Variants in ZMIZ1 observed in about 807,000 individuals in gnomAD.
ZMIZ1 encodes zinc finger MIZ-type containing 1.
In ZMIZ1, 17 loss-of-function variants were observed where a neutral mutation model predicts 113.9. The observed-to-expected ratio is 0.15, with a 90% CI of 0.10 to 0.22. The LOEUF (loss-of-function observed/expected upper bound fraction) is 0.22. Among genes scored for constraint, ZMIZ1 ranks in the 10% least tolerant of loss-of-function variants. ZMIZ1 has a pLI of 1.00. For missense variants in ZMIZ1, 1,059 were observed against 1,477.8 expected (o/e 0.72, Z 4.65); for synonymous variants, 607 against 603.1 (o/e 1.01, Z -0.09).
intron 7 of ZMIZ1, among the ~76,000 whole-genome samples, chr10:79,245,288 C>T (rs149507602): frequency 4.1e-4 from 62 of 152,302 alleles, no homozygotes; most frequent in Middle Eastern, 3.4e-3. Context: ...GATGGGAAAA[C>T]TGATGTGCCC....
intron 7 of ZMIZ1, among the ~76,000 whole-genome samples, chr10:79,264,882 G>C (rs1411646736): frequency 1.3e-5 from 2 of 152,214 alleles, no homozygotes; most frequent in Non-Finnish European, 2.9e-5. Flanking sequence ...ACACCCTCTT[G>C]AGCTTGTTTT....
chr10:79,217,280 C>T (rs978252416), intron 7 of ZMIZ1, among the ~76,000 whole-genome samples: 1 of 152,120 alleles, frequency 6.6e-6, no homozygotes, highest in African/African-American at 2.4e-5. Flanking sequence ...AAAAAATTAG[C>T]CGGGTGTGGT....
intron 4 of ZMIZ1, among the ~76,000 whole-genome samples, chr10:79,166,090 C>A (rs1222759190): frequency 2.2e-4 from 33 of 151,946 alleles, no homozygotes; most frequent in Admixed American, 2.2e-3. Flanking sequence ...TCTCTCCCTG[C>A]AGCTCTCTCC....
At chr10:79,179,165 G>T (rs1847002414) in intron 4 of ZMIZ1, among the ~76,000 whole-genome samples, 1 of 152,238 alleles carries the variant, frequency 6.6e-6, no homozygotes, top group Admixed American at 6.5e-5. Context: ...GCCCTCCAAG[G>T]GTAACTCCAA....
intron 1 of ZMIZ1, among the ~76,000 whole-genome samples, chr10:79,074,243 T>TGC (rs1401247498): frequency 1.3e-5 from 2 of 152,208 alleles, no homozygotes; most frequent in East Asian, 3.9e-4. Context: ...TACCAACCCC[T>TGC]GCGCTGCCTC....
At chr10:79,214,943 C>T (rs1848659323) in intron 6 of ZMIZ1, among the ~76,000 whole-genome samples, 1 of 152,190 alleles carries the variant, frequency 6.6e-6, no homozygotes, top group South Asian at 2.1e-4. Context: ...TGCAAAGCCA[C>T]CCAAGGGTCC....
At position 79,175,620 on chromosome 10, in the gene ZMIZ1, GTGTGTGTGTGGAGGTTTT is replaced by G. The variant is rs1239615825; in HGVS notation, c.-50+13489_-50+13506del. On this transcript the variant is annotated intron_variant, in intron 4 of 24. Transcript: ENST00000334512. Reference sequence around the variant, plus strand: ...TGTGTGTGTGTGTGTGTGTGTGTGTGTGTGTGTGTGGAGGTTTTTACAGACCCGCATGTATGTGTCCCT... The same window carrying G: ...TGTGTGTGTGTGTGTGTGTGTGTGTGTACAGACCCGCATGTATGTGTCCCT... 6.8e-3 allele frequency among the ~76,000 whole-genome samples: 754 copies of G among 111,200 alleles called. 14 individuals carry two copies. Among genetic ancestry groups the G allele is most frequent in the African/African-American group, 0.03 (709 of 23,848 alleles). The allele number at this position is 111,200 out of a possible 152,430, so 73.0% of individuals were successfully genotyped here.
chr10:79,289,999 A>G (rs997891852), intron 9 of ZMIZ1, 110 bp downstream of exon 9: 2 of 1,123,680 alleles, frequency 1.8e-6, no homozygotes, highest in Non-Finnish European at 2.6e-6. Flanking sequence ...CCTGCTGGAA[A>G]GACCAGCTTC....
chr10:79,273,746 A>G (rs1358455967), intron 7 of ZMIZ1, among the ~76,000 whole-genome samples: 2 of 152,262 alleles, frequency 1.3e-5, no homozygotes, highest in Non-Finnish European at 2.9e-5. Flanking sequence ...GGGTGGAGCT[A>G]CAATTCCTCT....
intron 7 of ZMIZ1, among the ~76,000 whole-genome samples, chr10:79,253,266 G>A (rs976070438): frequency 6.6e-6 from 1 of 152,190 alleles, no homozygotes; most frequent in African/African-American, 2.4e-5. Context: ...TGTCCACTAG[G>A]ACGTGTGGGG....
At chr10:79,215,780 G>C (rs1319798148) in intron 6 of ZMIZ1, among the ~76,000 whole-genome samples, 3 of 152,058 alleles carry the variant, frequency 2.0e-5, no homozygotes, top group Non-Finnish European at 4.4e-5. Context: ...GAGGGCCCAG[G>C]GCATGGAAGG....
At chr10:79,083,405 A>G (rs373915685) in intron 1 of ZMIZ1, among the ~76,000 whole-genome samples, 2 of 152,176 alleles carry the variant, frequency 1.3e-5, no homozygotes, top group African/African-American at 4.8e-5. Flanking sequence ...CAGTGTGGCT[A>G]GATGGAGTGA....
At chr10:79,286,744 C>T (rs1853113388) in intron 8 of ZMIZ1, among the ~76,000 whole-genome samples, 1 of 152,260 alleles carries the variant, frequency 6.6e-6, no homozygotes, top group African/African-American at 2.4e-5. Flanking sequence ...CCACAAGGCT[C>T]ACCCACGGAG....
At chr10:79,196,579 G>T (rs1380104308) in intron 4 of ZMIZ1, among the ~76,000 whole-genome samples, 1 of 152,330 alleles carries the variant, frequency 6.6e-6, no homozygotes, top group South Asian at 2.1e-4. Context: ...GTGACCCCAC[G>T]TGGGGCCAGC....
chr10:79,080,384 G>GCAGCCT lies in ZMIZ1; in HGVS notation c.-337+11116_-337+11121dup, dbSNP rs1421191468. Among the ~76,000 whole-genome samples the GCAGCCT allele has an allele frequency of 3.5e-5, 5 of 143,492 alleles. 1 individual carries two copies. The highest frequency in any genetic ancestry group is 1.3e-4 in the African/African-American group (5 of 38,020). The allele number at this position is 143,492 out of a possible 152,430, so 94.1% of individuals were successfully genotyped here. A position where few individuals can be genotyped will look rare whatever the true frequency, so the allele number is the denominator to read the frequency against. On this transcript the variant is annotated intron_variant, in intron 1 of 24. Transcript: ENST00000334512. ...TTCAGTGGCACGATCTCGGCTCACT[G>GCAGCCT]CAGCCTCTGCCTCCCGGGTTCAAGA...
intron 2 of ZMIZ1, among the ~76,000 whole-genome samples, chr10:79,135,934 T>A (rs1211231498): frequency 7.1e-6 from 1 of 141,728 alleles, no homozygotes; most frequent in Non-Finnish European, 1.6e-5. Flanking sequence ...GAGATCTCCC[T>A]CTCATCAGCC....
chr10:79,202,437 G>C (rs1243023909), intron 5 of ZMIZ1, among the ~76,000 whole-genome samples: 2 of 151,066 alleles, frequency 1.3e-5, no homozygotes, highest in Non-Finnish European at 2.9e-5. Flanking sequence ...GACCCCATCT[G>C]TATTTTTTAA....
intron 8 of ZMIZ1, among the ~76,000 whole-genome samples, chr10:79,288,964 G>A (rs980869132): frequency 6.6e-6 from 1 of 152,192 alleles, no homozygotes; most frequent in Non-Finnish European, 1.5e-5. Context: ...GTAGAGAGGA[G>A]GCAGTGTTTA....
chr10:79,149,771 A>T (rs1164993695), intron 3 of ZMIZ1, among the ~76,000 whole-genome samples: 1 of 152,142 alleles, frequency 6.6e-6, no homozygotes, highest in Non-Finnish European at 1.5e-5. Context: ...TCTTCCTCTC[A>T]TCCTGGTCTC....
Sources: gnomAD v4.1 joint callset for allele counts (sites outside exome capture counted in the v4.1 genomes callset) on GRCh38, gnomAD v4.1.1 for gene constraint, MANE v1.5 for transcripts, NCBI Gene and HGNC (gene_info 2026-07-23, HGNC 2026-07-21) for gene names.